ASPRV1: variants seen among roughly 807,000 people sequenced by gnomAD.
ASPRV1 encodes the protein retroviral-like aspartic protease 1.
Under a neutral mutation model 11.0 loss-of-function variants are expected in ASPRV1, and 7 were observed. That is an observed-to-expected ratio of 0.64 (90% CI 0.36 to 1.20). The LOEUF (loss-of-function observed/expected upper bound fraction) is 1.20, where lower values mean the gene tolerates loss of function less well. Ranked by LOEUF, ASPRV1 falls within the 50% of genes most tolerant of loss-of-function variation. ASPRV1 has a pLI of 0.02. For missense variants in ASPRV1, 299 were observed against 320.0 expected (o/e 0.93, Z 0.50); for synonymous variants, 136 against 138.4 (o/e 0.98, Z 0.12).
At chr2:69,957,694 C>T (rs892086051), downstream of ASPRV1, among the ~76,000 whole-genome samples, 10 of 151,812 alleles carry the variant, frequency 6.6e-5, no homozygotes, top group Non-Finnish European at 1.0e-4. Context: ...ATGCTGATGC[C>T]GCCTTCCTGC....
the ASPRV1 span, among the ~76,000 whole-genome samples, chr2:69,979,442 G>A: frequency 6.2e-3 from 950 of 152,214 alleles, 10 homozygotes; most frequent in African/African-American, 0.021. Context: ...AAGAGTCTTC[G>A]GAGAAAATGA....
chr2:70,003,501 G>C, the ASPRV1 span, among the ~76,000 whole-genome samples: 25 of 152,344 alleles, frequency 1.6e-4, no homozygotes, highest in African/African-American at 4.1e-4. Context: ...TGCTCTCTCT[G>C]TGAAGAAAGA....
Position 69,961,577 on chromosome 2 carries a change from A to G in ASPRV1, c.-141T>C. 6.2e-7 allele frequency: 1 copy of G among 1,613,988 alleles called. No homozygotes were observed. The highest frequency in any genetic ancestry group is 1.1e-5 in the South Asian group (1 of 91,074). On this transcript the variant is annotated 5_prime_UTR_variant, in exon 1 of 1. Transcript: ENST00000320256. ...ACTTGCCCGGCCTTGGGCAAGCAGG[A>G]GGGAGCAGGCGCGGTCGGCTGGCTG...
At chr2:70,078,647 T>G in the ASPRV1 span, among the ~76,000 whole-genome samples, 1 of 152,228 alleles carries the variant, frequency 6.6e-6, no homozygotes, top group African/African-American at 2.4e-5. Context: ...AGGAGACCAT[T>G]GTGGCTACAG....
At chr2:70,046,508 A>C in the ASPRV1 span, 1 of 152,210 alleles carries the variant, frequency 6.6e-6, no homozygotes, top group Non-Finnish European at 1.5e-5. Flanking sequence ...ATCACCTGAC[A>C]CATGTGCTAT....
At chr2:69,932,793 TC>T in the ASPRV1 span, among the ~76,000 whole-genome samples, 2 of 152,224 alleles carry the variant, frequency 1.3e-5, no homozygotes, top group Non-Finnish European at 2.9e-5. Flanking sequence ...CACACTCATA[TC>T]TGCATATAAA....
At chr2:70,024,180 A>T in the ASPRV1 span, among the ~76,000 whole-genome samples, 1 of 152,188 alleles carries the variant, frequency 6.6e-6, no homozygotes, top group African/African-American at 2.4e-5. Context: ...GACTATGAAA[A>T]ATTTATTCCA....
At chr2:69,994,775 A>C in the ASPRV1 span, among the ~76,000 whole-genome samples, 1 of 151,964 alleles carries the variant, frequency 6.6e-6, no homozygotes, top group African/African-American at 2.4e-5. Context: ...AGGAGGGCGG[A>C]TCATGAGGTC....
the ASPRV1 span, among the ~76,000 whole-genome samples, chr2:70,038,981 A>T: frequency 6.6e-6 from 1 of 151,230 alleles, no homozygotes; most frequent in Non-Finnish European, 1.5e-5. Context: ...TGGGAGGCTG[A>T]GGTAGGAGAA....
chr2:69,962,720 C>G (rs960672603), upstream of ASPRV1: 7 of 163,850 alleles, frequency 4.3e-5, no homozygotes, highest in African/African-American at 1.7e-4. Context: ...CTCCATGGAG[C>G]CTTCTGCCTG....
the ASPRV1 span, among the ~76,000 whole-genome samples, chr2:70,055,307 C>CA: frequency 2.6e-5 from 4 of 151,236 alleles, no homozygotes; most frequent in Non-Finnish European, 4.4e-5. Flanking sequence ...GACTCCGTCT[C>CA]AAAAAAAAGA....
the ASPRV1 span, among the ~76,000 whole-genome samples, chr2:69,932,999 G>A: frequency 6.6e-6 from 1 of 152,032 alleles, no homozygotes; most frequent in African/African-American, 2.4e-5. Flanking sequence ...AGGAGTTCGA[G>A]ACCAGCCTGG....
the ASPRV1 span, among the ~76,000 whole-genome samples, chr2:70,006,424 C>T: frequency 6.6e-6 from 1 of 152,172 alleles, no homozygotes; most frequent in Non-Finnish European, 1.5e-5. Context: ...TAAATCTTCC[C>T]TCTTGCAGAT....
the ASPRV1 span, among the ~76,000 whole-genome samples, chr2:70,054,952 CAAT>C: frequency 6.6e-6 from 1 of 152,124 alleles, no homozygotes; most frequent in Non-Finnish European, 1.5e-5. Flanking sequence ...TATATACGTA[CAAT>C]GTTTATACCC....
the ASPRV1 span, among the ~76,000 whole-genome samples, chr2:70,068,626 G>A: frequency 6.6e-6 from 1 of 151,948 alleles, no homozygotes; most frequent in African/African-American, 2.4e-5. Context: ...GAAAGATGAA[G>A]GCAAGTTAAA....
At chr2:70,018,018 T>C in the ASPRV1 span, 1 of 151,908 alleles carries the variant, frequency 6.6e-6, no homozygotes, top group Non-Finnish European at 1.5e-5. Flanking sequence ...TGCGTACCTG[T>C]AGTCCCGGCT....
chr2:69,965,434 C>T (rs1678306004), upstream of ASPRV1, among the ~76,000 whole-genome samples: 2 of 151,948 alleles, frequency 1.3e-5, no homozygotes, highest in Non-Finnish European at 2.9e-5. Flanking sequence ...CTAACGATAG[C>T]TGGTGGGCTA....
the ASPRV1 span, among the ~76,000 whole-genome samples, chr2:69,980,356 AT>A: frequency 6.6e-6 from 1 of 152,228 alleles, no homozygotes; most frequent in Non-Finnish European, 1.5e-5. Context: ...CTAAAGCCAC[AT>A]TGTTATTATT....
At chr2:69,959,473 A>C (rs950024392), downstream of ASPRV1, among the ~76,000 whole-genome samples, 7 of 152,088 alleles carry the variant, frequency 4.6e-5, no homozygotes, top group African/African-American at 1.7e-4. Flanking sequence ...AGCAAATACG[A>C]GATGGACCCC....
Sources: gnomAD v4.1 joint callset for allele counts (sites outside exome capture counted in the v4.1 genomes callset) on GRCh38, gnomAD v4.1.1 for gene constraint, MANE v1.5 for transcripts, NCBI Gene and HGNC (gene_info 2026-07-23, HGNC 2026-07-21) for gene names.